The following IMMP2L variants were observed in gnomAD, a reference collection of about 807,000 sequenced individuals.
The protein encoded by IMMP2L is inner mitochondrial membrane peptidase subunit 2, also known as mitochondrial inner membrane protease subunit 2.
Under a neutral mutation model 19.3 loss-of-function variants are expected in IMMP2L, and 18 were observed. The ratio of observed to expected loss-of-function variants is 0.93; its 90% CI spans 0.64 to 1.38. IMMP2L has a LOEUF of 1.38. IMMP2L is among the 40% of genes most tolerant of loss of function. The pLI, the probability that IMMP2L is intolerant of heterozygous loss-of-function variation, is 0.00. For missense variants in IMMP2L, 233 were observed against 218.2 expected, an observed-to-expected ratio of 1.07 and a Z score of -0.43; for synonymous variants, 76 against 73.0, an observed-to-expected ratio of 1.04 and a Z score of -0.21.
intron 3 of IMMP2L, among the ~76,000 whole-genome samples, chr7:111,058,431 T>C (rs1793710360): frequency 6.6e-6 from 1 of 152,176 alleles, no homozygotes; most frequent in South Asian, 2.1e-4. Flanking sequence ...AAAAACAAGC[T>C]GAAACTAAAA....
chr7:111,397,843 G>T (rs1833025874), intron 3 of IMMP2L, among the ~76,000 whole-genome samples: 1 of 151,494 alleles, frequency 6.6e-6, no homozygotes, highest in South Asian at 2.1e-4. Context: ...ATGTTTTTTT[G>T]ACATATAAGA....
At chr7:111,494,923 C>T (rs1206453582) in intron 2 of IMMP2L, among the ~76,000 whole-genome samples, 2 of 152,118 alleles carry the variant, frequency 1.3e-5, no homozygotes, top group African/African-American at 4.8e-5. Context: ...GCAGAAAATT[C>T]TACCCCTCAT....
At chr7:110,925,908 G>C (rs999747808) in intron 4 of IMMP2L, among the ~76,000 whole-genome samples, 1 of 151,996 alleles carries the variant, frequency 6.6e-6, no homozygotes, top group Non-Finnish European at 1.5e-5. Flanking sequence ...TGAACACATA[G>C]TATAAGACCT....
intron 3 of IMMP2L, among the ~76,000 whole-genome samples, chr7:111,041,292 T>C (rs191230589): frequency 1.1e-4 from 17 of 152,200 alleles, no homozygotes; most frequent in Admixed American, 9.8e-4. Context: ...AAAAAGGCCT[T>C]GAAATCAACT....
chr7:110,972,061 CA>C (rs750625509), intron 3 of IMMP2L, among the ~76,000 whole-genome samples: 28 of 151,820 alleles, frequency 1.8e-4, no homozygotes, highest in Non-Finnish European at 2.9e-4. Flanking sequence ...TATTGTTTTG[CA>C]AAAGAGCTCT....
intron 5 of IMMP2L, among the ~76,000 whole-genome samples, chr7:110,790,804 G>T (rs575426941): frequency 6.6e-6 from 1 of 151,746 alleles, no homozygotes; most frequent in Non-Finnish European, 1.5e-5. Flanking sequence ...AAAATTCAGT[G>T]AGTAAATTCT....
intron 4 of IMMP2L, among the ~76,000 whole-genome samples, chr7:110,895,319 T>G (rs1005950079): frequency 1.3e-5 from 2 of 152,148 alleles, no homozygotes; most frequent in Admixed American, 1.3e-4. Flanking sequence ...AGATGAGATT[T>G]GGGTGGGAAC....
intron 3 of IMMP2L, among the ~76,000 whole-genome samples, chr7:111,348,651 G>A (rs762535264): frequency 1.3e-4 from 20 of 152,060 alleles, no homozygotes; most frequent in Non-Finnish European, 2.1e-4. Flanking sequence ...GCTTCCAAAC[G>A]TTTTTAAAAT....
intron 3 of IMMP2L, among the ~76,000 whole-genome samples, chr7:110,996,167 T>C (rs1044497830): frequency 1.9e-4 from 29 of 152,070 alleles, no homozygotes; most frequent in Admixed American, 1.2e-3. Context: ...CAAAATACCA[T>C]TGGAGTGTGT....
chr7:111,143,168 C>T (rs73714675), intron 3 of IMMP2L, among the ~76,000 whole-genome samples: 5,462 of 152,140 alleles, frequency 0.036, 172 homozygotes, highest in African/African-American at 0.077. Flanking sequence ...CATTTTATTA[C>T]ACAATGAGAA....
At chr7:111,108,861 A>C (rs1214968738) in intron 3 of IMMP2L, among the ~76,000 whole-genome samples, 1 of 152,186 alleles carries the variant, frequency 6.6e-6, no homozygotes, top group Non-Finnish European at 1.5e-5. Flanking sequence ...TTTATAATTA[A>C]AAGCAACTGA....
intron 3 of IMMP2L, among the ~76,000 whole-genome samples, chr7:111,059,400 A>G (rs896073841): frequency 3.9e-5 from 6 of 152,224 alleles, no homozygotes; most frequent in Non-Finnish European, 8.8e-5. Context: ...CTATCCACAT[A>G]TAGGATAGTG....
At chr7:111,330,383 TG>T (rs1167234298) in intron 3 of IMMP2L, among the ~76,000 whole-genome samples, 1 of 151,876 alleles carries the variant, frequency 6.6e-6, no homozygotes, top group East Asian at 1.9e-4. Context: ...TATATATAAA[TG>T]GAATTTCTGA....
chr7:111,420,767 T>C (rs1285445797), intron 3 of IMMP2L, among the ~76,000 whole-genome samples: 4 of 151,754 alleles, frequency 2.6e-5, no homozygotes, highest in African/African-American at 4.9e-5. Context: ...TAGTATTCCA[T>C]GGTGTATAAG....
intron 3 of IMMP2L, among the ~76,000 whole-genome samples, chr7:111,361,209 C>T (rs1048538759): frequency 6.6e-6 from 1 of 152,086 alleles, no homozygotes; most frequent in Non-Finnish European, 1.5e-5. Flanking sequence ...GTAGAAATAA[C>T]ATGGCATTGA....
intron 5 of IMMP2L, among the ~76,000 whole-genome samples, chr7:110,726,222 C>T (rs1261205388): frequency 1.3e-5 from 2 of 152,168 alleles, no homozygotes; most frequent in Non-Finnish European, 1.5e-5. Flanking sequence ...AATGATTGTG[C>T]TATCTTCAAA....
chr7:111,029,697 T>TA (rs1319599008), intron 3 of IMMP2L, among the ~76,000 whole-genome samples: 2 of 152,178 alleles, frequency 1.3e-5, no homozygotes, highest in African/African-American at 4.8e-5. Context: ...AAATGACTGT[T>TA]ATAGTTAGAA....
chr7:111,452,635 G>A (rs367593567), intron 3 of IMMP2L, among the ~76,000 whole-genome samples: 4 of 152,060 alleles, frequency 2.6e-5, no homozygotes, highest in Admixed American at 6.6e-5. Context: ...ATACACATCC[G>A]TTGACTTCCT....
intron 3 of IMMP2L, among the ~76,000 whole-genome samples, chr7:111,414,967 T>G (rs1426245817): frequency 6.6e-6 from 1 of 151,776 alleles, no homozygotes; most frequent in Non-Finnish European, 1.5e-5. Flanking sequence ...TTAAGTATGA[T>G]AGTTTTCACT....
Sources: allele counts gnomAD v4.1 joint callset (sites outside exome capture counted in the v4.1 genomes callset), GRCh38; gene constraint gnomAD v4.1.1; transcripts MANE v1.5; gene names NCBI Gene and HGNC (gene_info 2026-07-23, HGNC 2026-07-21).